KAT6B: variants seen among roughly 807,000 people sequenced by gnomAD.
KAT6B encodes the protein histone acetyltransferase KAT6B.
In KAT6B, 10 loss-of-function variants were observed where a neutral mutation model predicts 187.5. The observed-to-expected ratio is 0.05, with a 90% CI of 0.03 to 0.09. KAT6B has a LOEUF of 0.09. Among genes scored for constraint, KAT6B ranks in the 10% least tolerant of loss-of-function variants. The pLI is 1.00. For missense variants in KAT6B, 1,952 were observed against 2,558.9 expected (o/e 0.76, Z 5.12); for synonymous variants, 861 against 926.8 (o/e 0.93, Z 1.29).
Position 74,871,744 on chromosome 10 carries a change from T to A in KAT6B, c.621+28266T>A, listed in dbSNP as rs189811417. 7.9e-5 allele frequency among the ~76,000 whole-genome samples: 12 copies of A among 152,218 alleles called. No homozygotes were observed. In the East Asian group the frequency reaches 2.1e-3, roughly 27 times the overall value. On this transcript the variant is annotated intron_variant, in intron 3 of 17. Coordinates refer to ENST00000287239, the MANE Select transcript of KAT6B (RefSeq NM_012330.4). ...GGTATACCAAGATGAGTAAGAACAA[T>A]ATGGTTTAGCATGCCAGAACAAGGA...
At chr10:74,828,607 G>A (rs546972300) in intron 1 of KAT6B, among the ~76,000 whole-genome samples, 127 of 124,980 alleles carry the variant, frequency 1.0e-3, no homozygotes, top group African/African-American at 3.7e-3. Flanking sequence ...TCAGTCTGTC[G>A]CCCAGGCTGG....
intron 3 of KAT6B, among the ~76,000 whole-genome samples, chr10:74,940,120 A>C (rs1285864477): frequency 6.6e-6 from 1 of 152,164 alleles, no homozygotes; most frequent in African/African-American, 2.4e-5. Context: ...TAGACCTTCA[A>C]ATGTGAGGGA....
intron 1 of KAT6B, among the ~76,000 whole-genome samples, chr10:74,837,210 C>G (rs1841367537): frequency 6.6e-6 from 1 of 152,092 alleles, no homozygotes; most frequent in Non-Finnish European, 1.5e-5. Context: ...AAGCATTTCT[C>G]TAGATATGTT....
chr10:75,017,738 T>C (rs1461348748), intron 13 of KAT6B, among the ~76,000 whole-genome samples: 1 of 152,260 alleles, frequency 6.6e-6, no homozygotes, highest in Non-Finnish European at 1.5e-5. Flanking sequence ...GTGCTGCTGC[T>C]GGTTCAAATG....
At chr10:74,896,756 G>T (rs145722548) in intron 3 of KAT6B, among the ~76,000 whole-genome samples, 41 of 152,246 alleles carry the variant, frequency 2.7e-4, no homozygotes, top group Admixed American at 2.6e-3. Context: ...CTTACATTGG[G>T]TTGCCTTTGT....
At chr10:74,921,210 C>G (rs7909326) in intron 3 of KAT6B, among the ~76,000 whole-genome samples, 37,438 of 149,662 alleles carry the variant, frequency 0.25, 8,894 homozygotes, top group African/African-American at 0.62. Flanking sequence ...CACCTCCTGG[C>G]TTCAAGTGAT....
rs755149561 is a variant in KAT6B, at chr10:75,020,828, C to T, written c.2861+15C>T. On this transcript the variant is annotated intron_variant, in intron 14 of 17. Coordinates refer to ENST00000287239, the MANE Select transcript of KAT6B (RefSeq NM_012330.4). ...AGAGATGGCAGGTGAGTCCTGGGAC[C>T]CTGGGCAGCTCCGTGGCTCAGGCAT... 5.0e-6 allele frequency: 8 copies of T among 1,609,330 alleles called. No individual in the cohort carries two copies. In the South Asian group the frequency reaches 8.8e-5, roughly 18 times the overall value.
At chr10:74,948,467 A>G (rs1424662664) in intron 3 of KAT6B, among the ~76,000 whole-genome samples, 1 of 152,230 alleles carries the variant, frequency 6.6e-6, no homozygotes, top group Non-Finnish European at 1.5e-5. Context: ...CCACTTACCT[A>G]TGTCCCATCT....
At chr10:74,851,788 T>C (rs948017586) in intron 3 of KAT6B, among the ~76,000 whole-genome samples, 2 of 152,244 alleles carry the variant, frequency 1.3e-5, no homozygotes, top group Non-Finnish European at 2.9e-5. Context: ...GGCACTGTTA[T>C]TAATATGAAA....
At chr10:74,857,843 G>A (rs1842916760) in intron 3 of KAT6B, among the ~76,000 whole-genome samples, 1 of 152,122 alleles carries the variant, frequency 6.6e-6, no homozygotes, top group South Asian at 2.1e-4. Context: ...AACATAGTGA[G>A]ATCCCATCTC....
At chr10:75,005,377 C>T (rs992980926) in intron 13 of KAT6B, among the ~76,000 whole-genome samples, 2 of 151,848 alleles carry the variant, frequency 1.3e-5, no homozygotes, top group African/African-American at 2.4e-5. Flanking sequence ...GCCACCATGC[C>T]CGGGTAATTT....
intron 8 of KAT6B, chr10:74,977,057 T>C (rs1003092582): frequency 1.3e-5 from 5 of 387,978 alleles, no homozygotes; most frequent in Non-Finnish European, 2.4e-5. Flanking sequence ...TTTCACTTTG[T>C]ATTGCTCTTA....
chr10:74,934,982 CAG>C (rs1467189902), intron 3 of KAT6B, among the ~76,000 whole-genome samples: 1 of 152,206 alleles, frequency 6.6e-6, no homozygotes, highest in Non-Finnish European at 1.5e-5. Context: ...GAGATCCACA[CAG>C]GGGTGAAGAA....
intron 3 of KAT6B, among the ~76,000 whole-genome samples, chr10:74,923,381 A>C (rs939515534): frequency 1.3e-5 from 2 of 152,244 alleles, no homozygotes; most frequent in East Asian, 1.9e-4. Context: ...CCCTCATGAA[A>C]TTCATTTACA....
intron 1 of KAT6B, among the ~76,000 whole-genome samples, chr10:74,833,446 A>G (rs879535647): frequency 6.6e-6 from 1 of 152,210 alleles, no homozygotes; most frequent in Admixed American, 6.5e-5. Flanking sequence ...GAGGTTCCTA[A>G]CAGTGTGATT....
intron 3 of KAT6B, among the ~76,000 whole-genome samples, chr10:74,845,842 C>T (rs575848068): frequency 4.1e-5 from 6 of 147,148 alleles, no homozygotes; most frequent in Non-Finnish European, 9.0e-5. Context: ...CATGGAAAGG[C>T]AAACCACCTG....
chr10:75,030,377 A>G lies in KAT6B; in HGVS notation c.5553A>G (p.Thr1851=). ...ATGCAAACAGTGCCTCTTTGTCCAC[A>G]CCATTAAGTAACACAGGGCTTGTTC... is the stretch of plus-strand genomic sequence containing the variant. The part of the protein sequence containing the change: ...TSYANSASLS[T]PLSNTGLVQL... Residue 1851 remains threonine (T), a synonymous_variant, in exon 18 of 18, where the codon ACA becomes ACG. Transcript: ENST00000287239. This position sits in a 1 kb window ranked among gnomAD's most constrained non-coding sequence, Gnocchi z 4.8. 1.9e-6 allele frequency: 3 copies of G among 1,614,156 alleles called. No homozygotes were observed. The highest frequency in any genetic ancestry group is 2.5e-6 in the Non-Finnish European group (3 of 1,180,020).
At chr10:74,986,790 A>G (rs2133843396) in intron 12 of KAT6B, among the ~76,000 whole-genome samples, 1 of 152,346 alleles carries the variant, frequency 6.6e-6, no homozygotes, top group East Asian at 1.9e-4. Context: ...TAAAAAGAAT[A>G]GTGGTTGCGT....
chr10:74,960,175 C>T, intron 4 of KAT6B, 97 bp downstream of exon 4: 3 of 868,720 alleles, frequency 3.5e-6, no homozygotes, highest in East Asian at 2.4e-5. Flanking sequence ...TTATTTAAGG[C>T]AGTTATATGG....
Sources: allele counts gnomAD v4.1 joint callset (sites outside exome capture counted in the v4.1 genomes callset), GRCh38; gene constraint gnomAD v4.1.1; non-coding constraint Gnocchi (gnomAD v3.1); transcripts MANE v1.5; gene names NCBI Gene and HGNC (gene_info 2026-07-23, HGNC 2026-07-21).